LRBA: variants seen among roughly 807,000 people sequenced by gnomAD.
LRBA encodes the protein lipopolysaccharide-responsive and beige-like anchor protein.
A neutral mutation model predicts 330.0 loss-of-function variants in LRBA; 176 were observed. The ratio of observed to expected loss-of-function variants is 0.53; its 90% confidence interval spans 0.47 to 0.60. The LOEUF (loss-of-function observed/expected upper bound fraction) is 0.60, where lower values mean the gene tolerates loss of function less well. Among genes scored for constraint, LRBA ranks in the 20% least tolerant of loss-of-function variants. The pLI is 0.00. For missense variants in LRBA, 3,259 were observed against 3,444.8 expected, an observed-to-expected ratio of 0.95 and a Z score of 1.35; for synonymous variants, 1,230 against 1,193.0, an observed-to-expected ratio of 1.03 and a Z score of -0.64.
At chr4:150,998,647 A>C (rs1275981020) in intron 2 of LRBA, among the ~76,000 whole-genome samples, 1 of 152,108 alleles carries the variant, frequency 6.6e-6, no homozygotes, top group Non-Finnish European at 1.5e-5. Flanking sequence ...GAGCAACCGC[A>C]CCCGGCAGGA....
intron 46 of LRBA, among the ~76,000 whole-genome samples, chr4:150,432,507 G>A (rs888947526): frequency 7.7e-6 from 1 of 129,070 alleles, no homozygotes; most frequent in Non-Finnish European, 1.6e-5. Context: ...ACCCAGGCTG[G>A]AGTGCAGTGG....
chr4:150,444,443 T>G (rs1445521374), intron 44 of LRBA, among the ~76,000 whole-genome samples: 1 of 152,164 alleles, frequency 6.6e-6, no homozygotes, highest in Non-Finnish European at 1.5e-5. Flanking sequence ...GCAACTATTT[T>G]CTTTCAACTG....
At chr4:150,885,651 C>A (rs1728871998) in intron 17 of LRBA, among the ~76,000 whole-genome samples, 2 of 151,766 alleles carry the variant, frequency 1.3e-5, no homozygotes. Context: ...ACTAAACAAA[C>A]CACAGTCAAA....
At chr4:150,575,652 G>A (rs1394217701) in intron 40 of LRBA, among the ~76,000 whole-genome samples, 1 of 151,846 alleles carries the variant, frequency 6.6e-6, no homozygotes, top group Non-Finnish European at 1.5e-5. Context: ...TTTGAACCAA[G>A]TACAGCTCAA....
chr4:150,849,361 C>A, intron 25 of LRBA, 61 bp downstream of exon 25: 1 of 1,484,486 alleles, frequency 6.7e-7, no homozygotes, highest in South Asian at 1.2e-5. Flanking sequence ...AAGTTTTAGT[C>A]AATAAAGTTG....
chr4:150,640,855 C>A (rs1581897028), intron 37 of LRBA, among the ~76,000 whole-genome samples: 1 of 152,180 alleles, frequency 6.6e-6, no homozygotes, highest in Non-Finnish European at 1.5e-5. Context: ...TACTATCCTA[C>A]AGAAAAATTC....
intron 40 of LRBA, among the ~76,000 whole-genome samples, chr4:150,585,127 G>C (rs1251783515): frequency 6.6e-6 from 1 of 152,256 alleles, no homozygotes; most frequent in Non-Finnish European, 1.5e-5. Flanking sequence ...AGTTAACAAA[G>C]TCAGTTGATA....
At chr4:150,567,244 C>T (rs1457151714) in intron 40 of LRBA, among the ~76,000 whole-genome samples, 2 of 151,982 alleles carry the variant, frequency 1.3e-5, no homozygotes, top group Non-Finnish European at 2.9e-5. Context: ...TTCCAGATCT[C>T]TATATATTAT....
chr4:150,492,176 A>AG (rs1368974688), intron 40 of LRBA, among the ~76,000 whole-genome samples: 1 of 26,644 alleles, frequency 3.8e-5, no homozygotes, highest in Non-Finnish European at 2.4e-4. Context: ...AGTTTTTTTG[A>AG]AAAAAAAAAA....
chr4:150,667,910 G>T (rs1006203867), intron 37 of LRBA, among the ~76,000 whole-genome samples: 1 of 152,162 alleles, frequency 6.6e-6, no homozygotes, highest in Non-Finnish European at 1.5e-5. Flanking sequence ...GCCTCCAGAG[G>T]AAACACAGCC....
At chr4:150,829,771 A>G (rs1299006607) in intron 29 of LRBA, among the ~76,000 whole-genome samples, 1 of 152,124 alleles carries the variant, frequency 6.6e-6, no homozygotes, top group Non-Finnish European at 1.5e-5. Flanking sequence ...TTTCCCCACC[A>G]AAAAACTCAA....
chr4:150,632,889 T>G (rs1487910218), intron 37 of LRBA, among the ~76,000 whole-genome samples: 2 of 152,210 alleles, frequency 1.3e-5, no homozygotes, highest in East Asian at 1.9e-4. Flanking sequence ...GCTCTGTAGT[T>G]TTTATACCTA....
intron 40 of LRBA, among the ~76,000 whole-genome samples, chr4:150,559,909 A>ATC: frequency 1.7e-5 from 1 of 60,374 alleles, no homozygotes; most frequent in East Asian, 4.8e-4. Flanking sequence ...ATATAATTAT[A>ATC]TATAATATAT....
chr4:150,802,160 C>T (rs1265554310), intron 33 of LRBA, among the ~76,000 whole-genome samples: 1 of 146,468 alleles, frequency 6.8e-6, no homozygotes, highest in Non-Finnish European at 1.5e-5. Context: ...GACAAGGCTG[C>T]AGTGAGCCAT....
intron 47 of LRBA, among the ~76,000 whole-genome samples, chr4:150,409,252 T>C (rs1746625927): frequency 6.6e-6 from 1 of 152,080 alleles, no homozygotes; most frequent in African/African-American, 2.4e-5. Flanking sequence ...GTACAGCATT[T>C]AGGAGAAATC....
chr4:150,783,618 G>A (rs1738589497), intron 34 of LRBA, among the ~76,000 whole-genome samples: 1 of 152,150 alleles, frequency 6.6e-6, no homozygotes, highest in South Asian at 2.1e-4. Context: ...CAAAAAGAAT[G>A]CACTGTGTTG....
chr4:150,536,513 T>C (rs1352596492), intron 40 of LRBA, among the ~76,000 whole-genome samples: 2 of 152,238 alleles, frequency 1.3e-5, no homozygotes, highest in Admixed American at 6.5e-5. Context: ...GGTAACATTC[T>C]GTTTCCTATT....
intron 4 of LRBA, among the ~76,000 whole-genome samples, chr4:150,922,967 A>G (rs931743104): frequency 5.3e-5 from 8 of 151,788 alleles, no homozygotes; most frequent in South Asian, 2.1e-4. Flanking sequence ...CTCAATCTTG[A>G]CTCCAGAGTC....
At chr4:150,577,531 T>C (rs1373122425) in intron 40 of LRBA, among the ~76,000 whole-genome samples, 1 of 152,038 alleles carries the variant, frequency 6.6e-6, no homozygotes. Flanking sequence ...TAAGACTATA[T>C]ACCAGTAAAC....
Sources: allele counts gnomAD v4.1 joint callset (sites outside exome capture counted in the v4.1 genomes callset), GRCh38; gene constraint gnomAD v4.1.1; transcripts MANE v1.5; gene names NCBI Gene and HGNC (gene_info 2026-07-23, HGNC 2026-07-21).